RASAL2: variants seen among roughly 807,000 people sequenced by gnomAD.
RASAL2 encodes the protein RAS protein activator like 2.
In RASAL2, 58 loss-of-function variants were observed where a neutral mutation model predicts 128.9. The ratio of observed to expected loss-of-function variants is 0.45; its 90% CI spans 0.36 to 0.56. RASAL2 has a LOEUF of 0.56. Among genes scored for constraint, RASAL2 ranks in the 20% least tolerant of loss-of-function variants. The pLI is 0.00. For missense variants in RASAL2, 1,360 were observed against 1,601.6 expected (o/e 0.85, Z 2.57); for synonymous variants, 561 against 580.8 (o/e 0.97, Z 0.49).
intron 3 of RASAL2, among the ~76,000 whole-genome samples, chr1:178,318,004 A>G (rs1385227180): frequency 7.3e-5 from 11 of 149,884 alleles, no homozygotes; most frequent in East Asian, 2.0e-4. Flanking sequence ...CTTTGTTCTC[A>G]TTGGTTTCAA....
intron 1 of RASAL2, among the ~76,000 whole-genome samples, chr1:178,116,400 C>A (rs539294435): frequency 6.6e-4 from 100 of 152,082 alleles, no homozygotes; most frequent in Non-Finnish European, 1.3e-3. Context: ...AAAGAGTATA[C>A]CTAGTTCAGT....
chr1:178,315,692 C>A (rs895397608), intron 3 of RASAL2, among the ~76,000 whole-genome samples: 4 of 146,038 alleles, frequency 2.7e-5, no homozygotes, highest in East Asian at 3.9e-4. Context: ...GGATATTAGC[C>A]CTTTGTCAGA....
At chr1:178,212,784 C>A (rs571509350) in intron 1 of RASAL2, among the ~76,000 whole-genome samples, 7 of 152,266 alleles carry the variant, frequency 4.6e-5, no homozygotes, top group African/African-American at 1.7e-4. Context: ...AGCCATGAGC[C>A]GCCGTGCCCG....
At position 178,257,575 on chromosome 1, in the gene RASAL2, C is replaced by T. The variant is rs560755321; in HGVS notation, c.203-25989C>T. Among the ~76,000 whole-genome samples the T allele has an allele frequency of 2.4e-3, 372 of 152,250 alleles. 1 individual carries two copies. The highest frequency in any genetic ancestry group is 8.6e-3 in the African/African-American group (359 of 41,558). ...AATGTAGGCTGGGCATGGTGGCTCACGCCTGTAATCCCTGCACTTTGGAAA... is the reference window on the plus strand; with the variant it reads ...AATGTAGGCTGGGCATGGTGGCTCATGCCTGTAATCCCTGCACTTTGGAAA... On this transcript the variant is annotated intron_variant, in intron 1 of 17. Coordinates refer to ENST00000367649, the MANE Select transcript of RASAL2 (RefSeq NM_170692.4).
At chr1:178,470,812 C>G (rs949870368) in intron 17 of RASAL2, 29 of 1,091,998 alleles carry the variant, frequency 2.7e-5, no homozygotes, top group Non-Finnish European at 3.7e-5. Context: ...GCTCCTGCCA[C>G]TCCCCACATG....
At chr1:178,154,265 G>A (rs957406398) in intron 1 of RASAL2, among the ~76,000 whole-genome samples, 1 of 151,916 alleles carries the variant, frequency 6.6e-6, no homozygotes, top group Non-Finnish European at 1.5e-5. Flanking sequence ...TCCCATCTCA[G>A]CCTTCTAAGT....
intron 3 of RASAL2, among the ~76,000 whole-genome samples, chr1:178,366,235 G>T (rs979346513): frequency 6.6e-6 from 1 of 152,112 alleles, no homozygotes; most frequent in Non-Finnish European, 1.5e-5. Context: ...TACATAGAGT[G>T]ATTCAGCAAA....
intron 1 of RASAL2, among the ~76,000 whole-genome samples, chr1:178,254,998 A>T (rs1665254765): frequency 2.0e-5 from 3 of 152,192 alleles, no homozygotes; most frequent in Non-Finnish European, 4.4e-5. Flanking sequence ...AAAGGAAGCC[A>T]GGAGACAATA....
chr1:178,161,092 AT>A (rs1169347646), intron 1 of RASAL2, among the ~76,000 whole-genome samples: 7 of 121,652 alleles, frequency 5.8e-5, no homozygotes, highest in South Asian at 6.3e-4. Flanking sequence ...TTTCTAACAC[AT>A]TTTTTTCCCT....
At chr1:178,240,642 T>C (rs57349659) in intron 1 of RASAL2, among the ~76,000 whole-genome samples, 2,046 of 151,970 alleles carry the variant, frequency 0.013, 48 homozygotes, top group African/African-American at 0.046. Flanking sequence ...GAATTTATCT[T>C]AAATGAAAAT....
chr1:178,306,416 A>G (rs1351079737), intron 3 of RASAL2, among the ~76,000 whole-genome samples: 2 of 152,184 alleles, frequency 1.3e-5, no homozygotes, highest in Non-Finnish European at 2.9e-5. Context: ...TATACCCAGT[A>G]ATGGGATGGC....
intron 3 of RASAL2, among the ~76,000 whole-genome samples, chr1:178,381,184 A>G (rs1242428876): frequency 6.6e-6 from 1 of 152,216 alleles, no homozygotes; most frequent in Non-Finnish European, 1.5e-5. Context: ...GACTATCTAA[A>G]GATCTCTAGG....
intron 1 of RASAL2, among the ~76,000 whole-genome samples, chr1:178,115,194 T>G (rs1659483621): frequency 6.6e-6 from 1 of 152,230 alleles, no homozygotes; most frequent in Admixed American, 6.5e-5. Context: ...ATTATTTGTT[T>G]CTTCTTGAGT....
chr1:178,466,837 G>GTTGTTTTAATA (rs1647755869), intron 16 of RASAL2, among the ~76,000 whole-genome samples: 1 of 152,114 alleles, frequency 6.6e-6, no homozygotes, highest in Non-Finnish European at 1.5e-5. Context: ...ATAGTGTGGA[G>GTTGTTTTAATA]GTAATTGACA....
intron 3 of RASAL2, among the ~76,000 whole-genome samples, chr1:178,310,461 A>T (rs1668187762): frequency 1.3e-5 from 2 of 152,134 alleles, no homozygotes; most frequent in African/African-American, 4.8e-5. Context: ...CAAAACTGAC[A>T]TGAATAAAAT....
chr1:178,301,232 T>G (rs1667747872), intron 3 of RASAL2, among the ~76,000 whole-genome samples: 1 of 152,222 alleles, frequency 6.6e-6, no homozygotes, highest in Non-Finnish European at 1.5e-5. Flanking sequence ...TTCTCTCATC[T>G]TATTTCCACT....
chr1:178,160,250 GATC>G (rs1244476476), intron 1 of RASAL2, among the ~76,000 whole-genome samples: 9 of 152,126 alleles, frequency 5.9e-5, no homozygotes, highest in African/African-American at 1.7e-4. Context: ...TACTTTATAT[GATC>G]ATCAAGAGAG....
At chr1:178,437,896 T>A (rs1161267092) in intron 5 of RASAL2, among the ~76,000 whole-genome samples, 1 of 152,084 alleles carries the variant, frequency 6.6e-6, no homozygotes, top group Non-Finnish European at 1.5e-5. Flanking sequence ...TTTGTTTTTT[T>A]AATTTTTAAA....
intron 1 of RASAL2, among the ~76,000 whole-genome samples, chr1:178,145,565 A>AT (rs1660705829): frequency 6.6e-6 from 1 of 151,642 alleles, no homozygotes; most frequent in South Asian, 2.1e-4. Flanking sequence ...AAAAAAAAAA[A>AT]AAAAAGGGGG....
Sources: gnomAD v4.1 joint callset for allele counts (sites outside exome capture counted in the v4.1 genomes callset) on GRCh38, gnomAD v4.1.1 for gene constraint, MANE v1.5 for transcripts, NCBI Gene and HGNC (gene_info 2026-07-23, HGNC 2026-07-21) for gene names.